The following CBLC variants were observed in gnomAD, a reference collection of about 807,000 sequenced individuals.
CBLC encodes Cbl proto-oncogene C.
Under a neutral mutation model 58.6 loss-of-function variants are expected in CBLC, and 46 were observed. The ratio of observed to expected loss-of-function variants is 0.79; its 90% confidence interval spans 0.62 to 1.00. The LOEUF is 1.00. Ranked by LOEUF, CBLC falls within the 50% of genes least tolerant of loss-of-function variation. The pLI is 0.00. For missense variants in CBLC, 655 were observed against 625.8 expected, an observed-to-expected ratio of 1.05 and a Z score of -0.50; for synonymous variants, 271 against 264.2, an observed-to-expected ratio of 1.03 and a Z score of -0.25.
chr19:44,781,580 T>G (rs1192912277), intron 3 of CBLC, among the ~76,000 whole-genome samples: 7 of 81,784 alleles, frequency 8.6e-5, no homozygotes, highest in Non-Finnish European at 9.4e-5. Context: ...CCTGGACTCC[T>G]GGGTCTGAGG....
At chr19:44,789,775 G>C (rs925417523) in intron 5 of CBLC, among the ~76,000 whole-genome samples, 6 of 152,150 alleles carry the variant, frequency 3.9e-5, no homozygotes, top group African/African-American at 1.4e-4. Context: ...GGTTTTGTGT[G>C]CCCTACCTTG....
intron 3 of CBLC, 151 bp from the exon 4 acceptor site, chr19:44,782,219 G>GTCTTGTA: frequency 4.2e-6 from 5 of 1,191,078 alleles, no homozygotes; most frequent in Non-Finnish European, 4.7e-6. Flanking sequence ...GAGTTCTGGA[G>GTCTTGTA]AAAGAAGAGC....
chr19:44,784,973 T>G (rs1203007706), intron 5 of CBLC, among the ~76,000 whole-genome samples: 10 of 120,738 alleles, frequency 8.3e-5, no homozygotes, highest in South Asian at 3.3e-4. Context: ...TTTTTTTTTT[T>G]TTTTTTTTTT....
At chr19:44,784,496 G>T (rs772496771) in intron 5 of CBLC, 95 bp downstream of exon 5, 34 of 1,273,602 alleles carry the variant, frequency 2.7e-5, no homozygotes, top group Non-Finnish European at 3.6e-5. Flanking sequence ...ACGTTTGAGG[G>T]TGCAACCATT....
intron 3 of CBLC, among the ~76,000 whole-genome samples, chr19:44,782,162 TG>T (rs1243394218): frequency 6.6e-6 from 1 of 151,866 alleles, no homozygotes; most frequent in East Asian, 1.9e-4. Context: ...GCTGGGGGCC[TG>T]GACTCTTGGG....
chr19:44,794,168 T>C (rs1414926876), intron 8 of CBLC, 36 bp from the exon 9 acceptor site: 23 of 1,582,204 alleles, frequency 1.5e-5, no homozygotes, highest in Non-Finnish European at 1.9e-5. Context: ...AAATGGCAGC[T>C]CACAAGCCCC....
intron 1 of CBLC, 84 bp downstream of exon 1, chr19:44,778,368 T>C (rs113375879): frequency 0.046 from 48,916 of 1,066,044 alleles, 2,978 homozygotes; most frequent in African/African-American, 0.38. Context: ...CCCAGGAACT[T>C]AGGCCCCCAC....
At chr19:44,799,524 G>T (rs1296102680) in intron 9 of CBLC, among the ~76,000 whole-genome samples, 2 of 152,120 alleles carry the variant, frequency 1.3e-5, no homozygotes, top group Admixed American at 1.3e-4. Flanking sequence ...TAGAGACAGG[G>T]TTTCACCATA....
chr19:44,784,025 G>A (rs1484540622), intron 4 of CBLC, among the ~76,000 whole-genome samples: 2 of 152,150 alleles, frequency 1.3e-5, no homozygotes, highest in African/African-American at 2.4e-5. Context: ...AGTGAAGCGA[G>A]GAGAGATCTC....
intron 3 of CBLC, 51 bp from the exon 4 acceptor site, chr19:44,782,319 T>C: frequency 6.2e-7 from 1 of 1,610,070 alleles, no homozygotes. Flanking sequence ...TACTTAGGGA[T>C]GTGAGCTGCT....
intron 5 of CBLC, among the ~76,000 whole-genome samples, chr19:44,784,953 T>TG (rs1568558640): frequency 2.3e-5 from 2 of 85,238 alleles, no homozygotes; most frequent in African/African-American, 6.1e-5. Context: ...GACAGGTGTT[T>TG]TTTTTTTTTT....
chr19:44,787,940 C>G (rs1967952761), intron 5 of CBLC, among the ~76,000 whole-genome samples: 1 of 151,724 alleles, frequency 6.6e-6, no homozygotes, highest in Non-Finnish European at 1.5e-5. Context: ...TAGTGAGCCC[C>G]CATCTCAATA....
chr19:44,795,318 C>A (rs1968156485), intron 9 of CBLC, among the ~76,000 whole-genome samples: 1 of 151,782 alleles, frequency 6.6e-6, no homozygotes, highest in African/African-American at 2.4e-5. Context: ...GCATTTGAGA[C>A]CAGCCTGGGC....
intron 7 of CBLC, among the ~76,000 whole-genome samples, chr19:44,792,811 C>T (rs561341107): frequency 3.4e-4 from 52 of 152,270 alleles, no homozygotes; most frequent in African/African-American, 1.3e-3. Context: ...GAGCCTTAGC[C>T]TCGTCCCCTG....
intron 9 of CBLC, among the ~76,000 whole-genome samples, chr19:44,798,042 T>G (rs952175079): frequency 1.3e-5 from 2 of 152,102 alleles, no homozygotes; most frequent in Admixed American, 1.3e-4. Flanking sequence ...GTCTGCACGC[T>G]GCTGTTCTCC....
rs554748077 is a variant in CBLC, at chr19:44,790,845, C to T, written c.1005+754C>T. Among the ~76,000 whole-genome samples, 6 of 152,236 alleles carry T rather than the reference C, an allele frequency of 3.9e-5. No homozygotes were observed. In the South Asian group the frequency reaches 1.0e-3, roughly 26 times the overall value. On this transcript the variant is annotated intron_variant, in intron 6 of 10. Coordinates refer to ENST00000647358, the MANE Select transcript of CBLC (RefSeq NM_012116.4). ...TTCAAATTTGGAGGCCGGGTGCCAC[C>T]GCACCCATAATCCCAGCACTTTGGT...
intron 1 of CBLC, among the ~76,000 whole-genome samples, chr19:44,779,106 A>C (rs1487659964): frequency 6.6e-6 from 1 of 152,184 alleles, no homozygotes; most frequent in African/African-American, 2.4e-5. Context: ...AGGATAAAAT[A>C]AAAGTTAGCT....
intron 9 of CBLC, among the ~76,000 whole-genome samples, chr19:44,799,786 A>G (rs568956164): frequency 6.6e-6 from 1 of 151,604 alleles, no homozygotes; most frequent in South Asian, 2.1e-4. Flanking sequence ...GGAGGGAAAG[A>G]GAAAAAAGAA....
intron 5 of CBLC, among the ~76,000 whole-genome samples, chr19:44,786,366 C>T (rs1967907214): frequency 6.6e-6 from 1 of 151,780 alleles, no homozygotes. Flanking sequence ...CCGAGTCGCG[C>T]AGAACACGAG....
Sources: allele counts gnomAD v4.1 joint callset (sites outside exome capture counted in the v4.1 genomes callset), GRCh38; gene constraint gnomAD v4.1.1; transcripts MANE v1.5; gene names NCBI Gene and HGNC (gene_info 2026-07-23, HGNC 2026-07-21).